The following KIN variants were observed in gnomAD, a reference collection of about 807,000 sequenced individuals.
KIN encodes the protein Kin17 DNA and RNA binding protein.
In KIN, 47 loss-of-function variants were observed where a neutral mutation model predicts 63.0. The ratio of observed to expected loss-of-function variants is 0.75; its 90% CI spans 0.59 to 0.95. KIN has a LOEUF of 0.95. KIN is among the 40% of genes least tolerant of loss of function. KIN has a pLI of 0.00. For missense variants in KIN, 408 were observed against 460.9 expected (o/e 0.89, Z 1.05); for synonymous variants, 160 against 157.7 (o/e 1.01, Z -0.11).
Position 7,778,952 on chromosome 10 carries a change from AG to A in KIN, c.443del (p.Thr148IlefsTer30), listed in dbSNP as rs762530527. Reference protein sequence around the residue: ...YIQYIDRDPETIRRQLELEKK... With the variant: ...YIQYIDRDPEXIRRQLELEKK... Reference sequence around the variant, plus strand: ...TCTCCAGTTCCAGTTGCCGGCGGATAGTTTCTGGGTCCCTGTCTATGTACTG... The same window carrying A: ...TCTCCAGTTCCAGTTGCCGGCGGATATTTCTGGGTCCCTGTCTATGTACTG... On this transcript the variant is annotated frameshift_variant, in exon 5 of 13. Transcript: ENST00000379562. LOFTEE classifies it high-confidence loss of function. The A allele has an allele frequency of 2.5e-5, 40 of 1,613,822 alleles. No individual in the cohort carries two copies. The highest frequency in any genetic ancestry group is 1.3e-4 in the Admixed American group (8 of 59,974).
intron 9 of KIN, among the ~76,000 whole-genome samples, chr10:7,764,905 A>G (rs1453579574): frequency 6.6e-6 from 1 of 151,978 alleles, no homozygotes; most frequent in East Asian, 1.9e-4. Flanking sequence ...CACGCCTGTA[A>G]TCCCAGCACT....
At chr10:7,786,310 A>G (rs969640028) in intron 1 of KIN, among the ~76,000 whole-genome samples, 1 of 152,266 alleles carries the variant, frequency 6.6e-6, no homozygotes, top group African/African-American at 2.4e-5. Flanking sequence ...CTATGGTTAT[A>G]TAGAAAAGTA....
intron 9 of KIN, among the ~76,000 whole-genome samples, chr10:7,765,712 G>A (rs1301788635): frequency 1.3e-5 from 2 of 152,052 alleles, no homozygotes; most frequent in African/African-American, 2.4e-5. Flanking sequence ...ACCAACACTT[G>A]GGCATTTACA....
In KIN at chr10:7,753,013, T is replaced by TTG. The variant is rs1835267104; in HGVS notation, c.*3065_*3066dup. On this transcript the variant is annotated 3_prime_UTR_variant, in exon 13 of 13. Coordinates refer to ENST00000379562, the MANE Select transcript of KIN (RefSeq NM_012311.4). ...GTGGCAGATGCATGTCATTATACAT[T>TTG]TGTCAAAACCCACAGAGACTGCTCT... is the stretch of plus-strand genomic sequence containing the variant. 1 of 152,152 alleles carries TTG rather than the reference T, an allele frequency of 6.6e-6. No individual in the cohort carries two copies. Among genetic ancestry groups the TTG allele is most frequent in the South Asian group, 2.1e-4 (1 of 4,828 alleles). The allele number at this position is 152,152 out of a possible 1,614,324, so 9.4% of individuals were successfully genotyped here.
At chr10:7,782,794 T>C (rs575999803) in intron 2 of KIN, among the ~76,000 whole-genome samples, 2 of 152,256 alleles carry the variant, frequency 1.3e-5, no homozygotes, top group Admixed American at 1.3e-4. Context: ...GGATTTGAAT[T>C]TGGGAAGTCT....
intron 5 of KIN, among the ~76,000 whole-genome samples, chr10:7,776,896 A>T (rs75263906): frequency 1.4e-4 from 19 of 139,286 alleles, no homozygotes; most frequent in Non-Finnish European, 3.0e-4. Flanking sequence ...CATCTCTATT[A>T]AAAAAAAAAA....
intron 12 of KIN, among the ~76,000 whole-genome samples, chr10:7,758,838 C>A (rs1244478538): frequency 4.6e-5 from 7 of 151,958 alleles, no homozygotes; most frequent in Non-Finnish European, 7.4e-5. Context: ...TTCCTCAATG[C>A]CAAGTAGGAG....
intron 12 of KIN, among the ~76,000 whole-genome samples, chr10:7,756,431 T>A (rs1835334476): frequency 6.6e-6 from 1 of 152,216 alleles, no homozygotes; most frequent in Non-Finnish European, 1.5e-5. Context: ...ATAGCCAGTT[T>A]CCTGGCTCCC....
In KIN at chr10:7,754,037, A is replaced by C; in HGVS notation, c.*2043T>G. The C allele has an allele frequency of 2.2e-6, 1 of 456,028 alleles. No homozygotes were observed. Among genetic ancestry groups the C allele is most frequent in the South Asian group, 1.5e-5 (1 of 64,558 alleles). The allele number at this position is 456,028 out of a possible 1,614,324, so 28.2% of individuals were successfully genotyped here. ...TGTTTTTTGTTTGAACTCTTGTAGA[A>C]GATCAACTCAGGCAAGGCGTGGTAG... On this transcript the variant is annotated 3_prime_UTR_variant, in exon 13 of 13. Coordinates refer to ENST00000379562, the MANE Select transcript of KIN (RefSeq NM_012311.4).
chr10:7,787,701 A>G (rs1836054653), intron 1 of KIN, 119 bp downstream of exon 1: 3 of 762,612 alleles, frequency 3.9e-6, no homozygotes, highest in Non-Finnish European at 6.9e-6. Context: ...AGACCTCAGA[A>G]GCCTCACGAC....
In KIN at chr10:7,753,670, T is replaced by C. The variant is rs1388846532; in HGVS notation, c.*2410A>G. On this transcript the variant is annotated 3_prime_UTR_variant, in exon 13 of 13. Transcript: ENST00000379562. ...TTCAAGAACATTAACATTCTAATAT[T>C]ACAAAGCCAATGAACAGAACTGCCA... The C allele has an allele frequency of 1.3e-5, 2 of 158,036 alleles. No homozygotes were observed. Among genetic ancestry groups the C allele is most frequent in the East Asian group, 1.9e-4 (1 of 5,334 alleles). The allele number at this position is 158,036 out of a possible 1,614,324, so 9.8% of individuals were successfully genotyped here.
At chr10:7,770,849 T>C (rs1588478157) in intron 7 of KIN, among the ~76,000 whole-genome samples, 1 of 152,232 alleles carries the variant, frequency 6.6e-6, no homozygotes, top group East Asian at 1.9e-4. Context: ...AAAGGTAGCC[T>C]TAGATTGATG....
intron 6 of KIN, among the ~76,000 whole-genome samples, chr10:7,775,475 A>G (rs1835751267): frequency 6.6e-6 from 1 of 152,216 alleles, no homozygotes; most frequent in Non-Finnish European, 1.5e-5. Flanking sequence ...CCCTGTGTCT[A>G]GATGGCATGC....
intron 2 of KIN, 21 bp from the exon 3 acceptor site, chr10:7,780,328 A>C (rs1477143668): frequency 6.3e-7 from 1 of 1,575,564 alleles, no homozygotes; most frequent in Non-Finnish European, 8.7e-7. Context: ...AAGAAAGGAA[A>C]GCATTAAGGT....
Position 7,762,561 on chromosome 10 carries a change from C to T in KIN, c.919-5G>A, listed in dbSNP as rs183655911. On this transcript the variant is annotated splice_region_variant and splice_polypyrimidine_tract_variant and intron_variant, in intron 10 of 12. Transcript: ENST00000379562. ...TGTATATTTGTCAATTACTTCCTGTCATGTAAAATGAACACTTTTATAATA... is the reference window on the plus strand; with the variant it reads ...TGTATATTTGTCAATTACTTCCTGTTATGTAAAATGAACACTTTTATAATA... 2.6e-6 allele frequency: 4 copies of T among 1,554,314 alleles called. No homozygotes were observed. The East Asian group carries it at 9.0e-5, about 35-fold the overall frequency.
chr10:7,786,789 T>C (rs10795570), intron 1 of KIN, among the ~76,000 whole-genome samples: 70,404 of 151,978 alleles, frequency 0.46, 16,784 homozygotes, highest in Non-Finnish European at 0.51. Context: ...CCCAGTCTAC[T>C]GCACTTTATA....
In KIN at chr10:7,760,521, A is replaced by G. The variant is rs186710387; in HGVS notation, c.1019-531T>C. ...TAAGCCAAATGTCTATCAACAGATA[A>G]CTGGATAAACAAACTGGTACAGTAG... On this transcript the variant is annotated intron_variant, in intron 11 of 12. Transcript: ENST00000379562. 2.5e-4 allele frequency among the ~76,000 whole-genome samples: 38 copies of G among 152,320 alleles called. No homozygotes were observed. The East Asian group carries it at 6.9e-3, about 28-fold the overall frequency.
chr10:7,762,305 C>A lies in KIN; in HGVS notation c.1018+152G>T, dbSNP rs188492673. 1.4e-4 allele frequency: 69 copies of A among 479,244 alleles called. No homozygotes were observed. The East Asian group carries it at 2.2e-3, about 16-fold the overall frequency. 29.7% of individuals were successfully genotyped at this position (479,244 alleles called of 1,614,324 possible). ...CAGAGAGCCAGTAAACTACGATGCC[C>A]TTGAATCCAAACAGAGATGAGTTAC... On this transcript the variant is annotated intron_variant, in intron 11 of 12. Transcript: ENST00000379562.
intron 7 of KIN, among the ~76,000 whole-genome samples, chr10:7,771,149 A>G (rs1194260115): frequency 6.7e-6 from 1 of 149,726 alleles, no homozygotes; most frequent in Non-Finnish European, 1.5e-5. Flanking sequence ...TCCACGTAAG[A>G]TAAGCTCCTC....
Sources: gnomAD v4.1 joint callset for allele counts (sites outside exome capture counted in the v4.1 genomes callset) on GRCh38, gnomAD v4.1.1 for gene constraint, MANE v1.5 for transcripts, NCBI Gene and HGNC (gene_info 2026-07-23, HGNC 2026-07-21) for gene names.